GABRR3: variants seen among roughly 807,000 people sequenced by gnomAD.
The protein encoded by GABRR3 is gamma-aminobutyric acid receptor subunit rho-3.
Under a neutral mutation model 43.2 loss-of-function variants are expected in GABRR3, and 29 were observed. The ratio of observed to expected loss-of-function variants is 0.67; its 90% CI spans 0.50 to 0.92. The LOEUF (loss-of-function observed/expected upper bound fraction) is 0.92. GABRR3 is among the 40% of genes least tolerant of loss of function. GABRR3 has a pLI of 0.00. For synonymous variants in GABRR3, 206 were observed against 195.9 expected (o/e 1.05, Z -0.43); for missense variants, 576 against 572.3 (o/e 1.01, Z -0.07).
chr3:98,028,247 T>C (rs548178973), intron 2 of GABRR3, among the ~76,000 whole-genome samples: 2 of 152,204 alleles, frequency 1.3e-5, no homozygotes, highest in Non-Finnish European at 2.9e-5. Context: ...TCTGTTCTTA[T>C]TTTTTAATCT....
downstream of GABRR3, among the ~76,000 whole-genome samples, chr3:97,985,457 T>C (rs1417701577): frequency 6.6e-6 from 1 of 152,224 alleles, no homozygotes; most frequent in East Asian, 1.9e-4. Context: ...GGAGATGTTC[T>C]TTTCCTTTCT....
At chr3:98,021,930 G>A (rs570481531) in intron 3 of GABRR3, among the ~76,000 whole-genome samples, 2 of 152,310 alleles carry the variant, frequency 1.3e-5, no homozygotes, top group East Asian at 1.9e-4. Flanking sequence ...TAGCTAGAGA[G>A]AGCTGATTTT....
At chr3:98,017,773 T>C in intron 3 of GABRR3, 51 bp from the exon 4 acceptor site, 1 of 1,211,412 alleles carries the variant, frequency 8.3e-7, no homozygotes, top group Non-Finnish European at 1.2e-6. Context: ...ATAATCATTT[T>C]AAAACCATTT....
chr3:98,007,958 T>TGAGA, intron 6 of GABRR3, 54 bp from the exon 7 acceptor site: 2 of 1,435,402 alleles, frequency 1.4e-6, no homozygotes, highest in Non-Finnish European at 1.9e-6. Flanking sequence ...GTAAGCTCAA[T>TGAGA]GAGTTCTATA....
chr3:97,985,269 T>C (rs1436391292), downstream of GABRR3, among the ~76,000 whole-genome samples: 2 of 152,226 alleles, frequency 1.3e-5, no homozygotes, highest in African/African-American at 2.4e-5. Context: ...ACACTGATCA[T>C]AGGAGGTTTT....
intron 9 of GABRR3, among the ~76,000 whole-genome samples, chr3:97,991,305 T>C (rs961984981): frequency 8.5e-5 from 13 of 152,234 alleles, no homozygotes; most frequent in African/African-American, 3.1e-4. Flanking sequence ...GGGTAATAGA[T>C]CAACAGCATC....
chr3:98,020,473 A>T (rs1706927191), intron 3 of GABRR3, among the ~76,000 whole-genome samples: 1 of 151,714 alleles, frequency 6.6e-6, no homozygotes, highest in Non-Finnish European at 1.5e-5. Context: ...AAAAAAAAAA[A>T]AAGGAAAAGA....
chr3:98,034,584 T>C (rs1033860267), intron 2 of GABRR3, among the ~76,000 whole-genome samples: 1 of 152,140 alleles, frequency 6.6e-6, no homozygotes, highest in Admixed American at 6.6e-5. Context: ...ATTGAAGAAA[T>C]ACATTCTCTG....
At chr3:97,992,735 C>G (rs1276968118) in intron 9 of GABRR3, 117 bp downstream of exon 9, 2 of 907,226 alleles carry the variant, frequency 2.2e-6, no homozygotes, top group African/African-American at 3.4e-5. Context: ...CAACTTGCCT[C>G]TTGACAAGCA....
intron 7 of GABRR3, among the ~76,000 whole-genome samples, chr3:98,003,286 G>A (rs1166337002): frequency 1.3e-5 from 2 of 151,946 alleles, no homozygotes; most frequent in Non-Finnish European, 2.9e-5. Flanking sequence ...AAGAAATAAG[G>A]AAAACCTGTG....
Position 98,001,401 on chromosome 3 carries a change from A to G in GABRR3, c.907+214T>C, listed in dbSNP as rs889170364. On this transcript the variant is annotated intron_variant, in intron 8 of 9. Transcript: ENST00000621172. ...CACCCAACTGCAGGTCAGTCAGCAAAGACTTCATCCCTAAAATCCGGGTTC... is the reference window on the plus strand; with the variant it reads ...CACCCAACTGCAGGTCAGTCAGCAAGGACTTCATCCCTAAAATCCGGGTTC... 2.6e-5 allele frequency: 14 copies of G among 548,634 alleles called. No homozygotes were observed. In the East Asian group the frequency reaches 3.8e-4, roughly 15 times the overall value. The allele number at this position is 548,634 out of a possible 1,614,324, so 34.0% of individuals were successfully genotyped here. A position where few individuals can be genotyped will look rare whatever the true frequency, so the allele number is the denominator to read the frequency against.
chr3:97,999,609 A>T (rs1706605184), intron 8 of GABRR3: 1 of 151,998 alleles, frequency 6.6e-6, no homozygotes, highest in South Asian at 2.1e-4. Flanking sequence ...AGAGAAAAGG[A>T]AAAAAAAGTC....
intron 9 of GABRR3, among the ~76,000 whole-genome samples, chr3:97,987,633 G>A (rs971791395): frequency 6.6e-6 from 1 of 152,074 alleles, no homozygotes. Context: ...ACATGTCTTC[G>A]ATTTATAGTG....
At chr3:97,997,726 A>G (rs991745509) in intron 8 of GABRR3, 1 of 152,186 alleles carries the variant, frequency 6.6e-6, no homozygotes, top group Non-Finnish European at 1.5e-5. Context: ...CGTGATGAAC[A>G]ACTTAAGTCT....
chr3:98,031,217 A>C (rs1423288118), intron 2 of GABRR3, among the ~76,000 whole-genome samples: 1 of 152,210 alleles, frequency 6.6e-6, no homozygotes, highest in African/African-American at 2.4e-5. Flanking sequence ...GAAACACGAC[A>C]GTTCCCACAT....
chr3:98,009,231 GAC>G (rs1004833926), intron 5 of GABRR3, among the ~76,000 whole-genome samples, 193 bp from the exon 6 acceptor site: 9 of 152,156 alleles, frequency 5.9e-5, no homozygotes, highest in African/African-American at 2.2e-4. Flanking sequence ...ATTTTCTTAA[GAC>G]ACAGAGTCAA....
At chr3:98,018,043 C>A (rs1706894697) in intron 3 of GABRR3, among the ~76,000 whole-genome samples, 1 of 145,988 alleles carries the variant, frequency 6.8e-6, no homozygotes, top group Non-Finnish European at 1.5e-5. Context: ...TTTTTACCTA[C>A]TAGTGATTTA....
intron 3 of GABRR3, among the ~76,000 whole-genome samples, chr3:98,022,538 T>G (rs1236876279): frequency 1.3e-5 from 2 of 152,218 alleles, no homozygotes; most frequent in East Asian, 3.9e-4. Context: ...TGCAGTCTGA[T>G]TTCCCCAAGG....
At chr3:98,020,982 C>G (rs1706938074) in intron 3 of GABRR3, among the ~76,000 whole-genome samples, 1 of 151,414 alleles carries the variant, frequency 6.6e-6, no homozygotes, top group African/African-American at 2.4e-5. Context: ...TGGCCTCAGC[C>G]TCCTGAGGAG....
Sources: gnomAD v4.1 joint callset for allele counts (sites outside exome capture counted in the v4.1 genomes callset) on GRCh38, gnomAD v4.1.1 for gene constraint, MANE v1.5 for transcripts, NCBI Gene and HGNC (gene_info 2026-07-23, HGNC 2026-07-21) for gene names.